The following PTPN13 variants were observed in gnomAD, a reference collection of about 807,000 sequenced individuals.
PTPN13 encodes the protein tyrosine-protein phosphatase non-receptor type 13.
A neutral mutation model predicts 284.0 loss-of-function variants in PTPN13; 191 were observed. The ratio of observed to expected loss-of-function variants is 0.67; its 90% confidence interval spans 0.60 to 0.76. The LOEUF is 0.76. Ranked by LOEUF, PTPN13 falls within the 30% of genes least tolerant of loss-of-function variation. The pLI is 0.00. For synonymous variants in PTPN13, 986 were observed against 1,022.3 expected, an observed-to-expected ratio of 0.96 and a Z score of 0.68; for missense variants, 2,797 against 2,939.9, an observed-to-expected ratio of 0.95 and a Z score of 1.12.
At chr4:86,599,725 T>TACTTTTTTTAAAGTC (rs1764129525) in intron 1 of PTPN13, among the ~76,000 whole-genome samples, 1 of 152,228 alleles carries the variant, frequency 6.6e-6, no homozygotes, top group Non-Finnish European at 1.5e-5. Context: ...TTTTTAAAGT[T>TACTTTTTTTAAAGTC]ACTTTTTTTA....
intron 38 of PTPN13, 21 bp from the exon 39 acceptor site, chr4:86,785,210 T>C (rs1741754235): frequency 1.4e-6 from 2 of 1,469,752 alleles, no homozygotes; most frequent in African/African-American, 1.4e-5. Context: ...TAAAACCCCA[T>C]GTAAATTATT....
chr4:86,653,376 A>G (rs1405664339), intron 2 of PTPN13, among the ~76,000 whole-genome samples: 1 of 152,098 alleles, frequency 6.6e-6, no homozygotes, highest in Non-Finnish European at 1.5e-5. Flanking sequence ...GTTTGTACCC[A>G]ACTTTCTTGA....
At chr4:86,760,850 A>G (rs1269555563) in intron 23 of PTPN13, among the ~76,000 whole-genome samples, 3 of 152,036 alleles carry the variant, frequency 2.0e-5, no homozygotes, top group Non-Finnish European at 4.4e-5. Flanking sequence ...CTGTAGTGTC[A>G]CTTTGAAAAG....
intron 2 of PTPN13, among the ~76,000 whole-genome samples, chr4:86,650,051 T>C (rs1402204033): frequency 6.6e-6 from 1 of 152,174 alleles, no homozygotes; most frequent in East Asian, 1.9e-4. Flanking sequence ...AATGGCATGA[T>C]CTTGGCTCAC....
rs1000943769 is a variant in PTPN13, at chr4:86,709,245, A to T, written c.1196-7285A>T. ...TAAGATTCAAAGCTTTCGGACACTGATGTTTCAGGAATCTTTCTCTCACCT... is the reference window on the plus strand; with the variant it reads ...TAAGATTCAAAGCTTTCGGACACTGTTGTTTCAGGAATCTTTCTCTCACCT... On this transcript the variant is annotated intron_variant, in intron 7 of 47. Transcript: ENST00000411767. 7.2e-5 allele frequency among the ~76,000 whole-genome samples: 11 copies of T among 152,134 alleles called. 1 individual carries two copies. The South Asian group carries it at 2.3e-3, about 32-fold the overall frequency.
intron 1 of PTPN13, among the ~76,000 whole-genome samples, chr4:86,597,588 G>A (rs947592071): frequency 6.6e-6 from 1 of 152,086 alleles, no homozygotes; most frequent in Non-Finnish European, 1.5e-5. Flanking sequence ...GGGAGGTGGA[G>A]TTCTAATAAT....
chr4:86,759,175 A>T, intron 23 of PTPN13, 102 bp downstream of exon 23: 1 of 1,241,122 alleles, frequency 8.1e-7, no homozygotes, highest in Non-Finnish European at 1.1e-6. Context: ...TACAAAATTG[A>T]TGCAACTTAA....
rs756345457 is a variant in PTPN13, at chr4:86,771,461, G to A, written c.5094G>A (p.Lys1698=). Residue 1698 remains lysine, a synonymous_variant, in exon 31 of 48, where the codon AAG becomes AAA. Coordinates refer to ENST00000411767, the MANE Select transcript of PTPN13 (RefSeq NM_080683.3). Reference sequence around the variant, plus strand: ...CACAGAGTCATCATGAAGCACCCAAGAGTCAAGAAGATACCATTTGTACCA... The same window carrying A: ...CACAGAGTCATCATGAAGCACCCAAAAGTCAAGAAGATACCATTTGTACCA... ...SQAQSHHEAP[K]SQEDTICTMF... 169 of 1,564,966 alleles carry A rather than the reference G, an allele frequency of 1.1e-4. No individual in the cohort carries two copies. The highest frequency in any genetic ancestry group is 1.5e-4 in the Non-Finnish European group (168 of 1,153,138).
In PTPN13 at chr4:86,796,473, GA is replaced by G. The variant is rs923566342; in HGVS notation, c.6346-390del. Among the ~76,000 whole-genome samples the G allele has an allele frequency of 4.2e-4, 62 of 148,600 alleles. No individual in the cohort carries two copies. The East Asian group carries it at 9.8e-3, about 23-fold the overall frequency. On this transcript the variant is annotated intron_variant, in intron 40 of 47. Coordinates refer to ENST00000411767, the MANE Select transcript of PTPN13 (RefSeq NM_080683.3). ...AACATAGTGAGATCCCATCTCTACA[GA>G]AAAAAAAAAATTTTTAATTACCTGG...
rs549692462 is a variant in PTPN13 at position 86,618,359 on chromosome 4, G to A, written c.-5-16893G>A. Reference sequence around the variant, plus strand: ...GTAGTATAGTTTGAAGTCAGGTAGCGTGATGCCTCCAGCTTTGTTCTTTTG... The same window carrying A: ...GTAGTATAGTTTGAAGTCAGGTAGCATGATGCCTCCAGCTTTGTTCTTTTG... On this transcript the variant is annotated intron_variant, in intron 1 of 47. Coordinates refer to ENST00000411767, the MANE Select transcript of PTPN13 (RefSeq NM_080683.3). Among the ~76,000 whole-genome samples the A allele has an allele frequency of 9.7e-3, 1,479 of 152,238 alleles. 16 individuals carry two copies. Among genetic ancestry groups the A allele is most frequent in the African/African-American group, 0.034 (1,394 of 41,536 alleles).
chr4:86,735,246 C>A (rs966661562), intron 14 of PTPN13, among the ~76,000 whole-genome samples: 1 of 152,128 alleles, frequency 6.6e-6, no homozygotes, highest in African/African-American at 2.4e-5. Context: ...GGAGAACTCA[C>A]AGTATACTTA....
At chr4:86,811,466 C>T (rs1266105475) in intron 47 of PTPN13, among the ~76,000 whole-genome samples, 1 of 152,202 alleles carries the variant, frequency 6.6e-6, no homozygotes, top group African/African-American at 2.4e-5. Flanking sequence ...AGGTAACATT[C>T]TTGCTACAGA....
chr4:86,660,159 T>G (rs1321641034), intron 2 of PTPN13, among the ~76,000 whole-genome samples: 1 of 152,174 alleles, frequency 6.6e-6, no homozygotes, highest in Non-Finnish European at 1.5e-5. Flanking sequence ...CAGTAGTATG[T>G]GAGACTGATG....
At chr4:86,627,820 A>C (rs1722009713) in intron 1 of PTPN13, among the ~76,000 whole-genome samples, 1 of 152,188 alleles carries the variant, frequency 6.6e-6, no homozygotes, top group African/African-American at 2.4e-5. Flanking sequence ...CAACATGTAC[A>C]CTTGTTTCTG....
intron 40 of PTPN13, among the ~76,000 whole-genome samples, chr4:86,794,822 T>C (rs1362299783): frequency 6.6e-6 from 1 of 152,134 alleles, no homozygotes; most frequent in African/African-American, 2.4e-5. Context: ...TAATAAATAG[T>C]GCTGGGAAAA....
In PTPN13 at chr4:86,632,989, G is replaced by C. The variant is rs146568513; in HGVS notation, c.-5-2263G>C. ...TGCCCGGCTGATTTTATTTTTTGTA[G>C]AGATGAGGGTCTCCCCATGTTGTCC... On this transcript the variant is annotated intron_variant, in intron 1 of 47. Transcript: ENST00000411767. Among the ~76,000 whole-genome samples the C allele has an allele frequency of 3.0e-4, 46 of 151,866 alleles. 1 individual carries two copies. The highest frequency in any genetic ancestry group is 1.1e-3 in the African/African-American group (44 of 41,422).
intron 46 of PTPN13, among the ~76,000 whole-genome samples, 195 bp downstream of exon 46, chr4:86,810,179 C>CA (rs1257696155): frequency 6.6e-6 from 1 of 152,032 alleles, no homozygotes; most frequent in Admixed American, 6.6e-5. Context: ...CCGTGATCAA[C>CA]AAAAAATAAT....
intron 4 of PTPN13, among the ~76,000 whole-genome samples, chr4:86,688,040 G>A (rs1164236178): frequency 6.6e-6 from 1 of 152,146 alleles, no homozygotes; most frequent in Non-Finnish European, 1.5e-5. Context: ...ACGGCCAACT[G>A]CAACATAATG....
At chr4:86,709,138 A>G (rs1333927840) in intron 7 of PTPN13, among the ~76,000 whole-genome samples, 2 of 152,098 alleles carry the variant, frequency 1.3e-5, no homozygotes, top group East Asian at 3.8e-4. Context: ...ATTGATTGAT[A>G]GATCTACCTG....
Sources: allele counts gnomAD v4.1 joint callset (sites outside exome capture counted in the v4.1 genomes callset), GRCh38; gene constraint gnomAD v4.1.1; transcripts MANE v1.5; gene names NCBI Gene and HGNC (gene_info 2026-07-23, HGNC 2026-07-21).